NR2E3: variants seen among roughly 807,000 people sequenced by gnomAD.
The protein encoded by NR2E3 is photoreceptor-specific nuclear receptor.
NR2E3 carries 38 observed loss-of-function variants against 37.6 expected under a neutral mutation model. That is an observed-to-expected ratio of 1.01 (90% CI 0.78 to 1.33). The LOEUF (loss-of-function observed/expected upper bound fraction) is 1.33. Ranked by LOEUF, NR2E3 falls within the 40% of genes most tolerant of loss-of-function variation. The pLI, the probability that NR2E3 is intolerant of heterozygous loss-of-function variation, is 0.00. For missense variants in NR2E3, 562 were observed against 558.7 expected, an observed-to-expected ratio of 1.01 and a Z score of -0.06; for synonymous variants, 235 against 225.1, an observed-to-expected ratio of 1.04 and a Z score of -0.39.
At chr15:71,816,083 T>G (rs986961417) in intron 7 of NR2E3, among the ~76,000 whole-genome samples, 1 of 151,900 alleles carries the variant, frequency 6.6e-6, no homozygotes, top group Admixed American at 6.6e-5. Context: ...GGGGAAGTCT[T>G]CCCCGAAATT....
At chr15:71,814,220 T>G (rs2054210320) in intron 7 of NR2E3, 103 bp downstream of exon 7, 1 of 1,483,598 alleles carries the variant, frequency 6.7e-7, no homozygotes, top group Non-Finnish European at 9.0e-7. Context: ...AGCACAAGGG[T>G]CTCAGTTCAA....
intron 1 of NR2E3, 78 bp downstream of exon 1, chr15:71,810,939 TGGAA>T: frequency 7.1e-7 from 1 of 1,402,218 alleles, no homozygotes; most frequent in Non-Finnish European, 9.5e-7. Context: ...GCAGGGACCA[TGGAA>T]GGAGCCAGAA....
At chr15:71,816,283 C>T (rs1174593519) in intron 7 of NR2E3, among the ~76,000 whole-genome samples, 10 of 130,180 alleles carry the variant, frequency 7.7e-5, no homozygotes, top group Admixed American at 1.6e-4. Flanking sequence ...TTTTTTGAGA[C>T]GGAGTCTCTC....
Position 71,811,352 on chromosome 15 carries a change from C to T in NR2E3, c.119-131C>T, listed in dbSNP as rs902860589. 37 of 763,762 alleles carry T rather than the reference C, an allele frequency of 4.8e-5. No homozygotes were observed. The East Asian group carries it at 6.2e-4, about 13-fold the overall frequency. 47.3% of individuals were successfully genotyped at this position (763,762 alleles called of 1,614,324 possible). A position where few individuals can be genotyped will look rare whatever the true frequency, so the allele number is the denominator to read the frequency against. On this transcript the variant is annotated intron_variant, in intron 1 of 7. Coordinates refer to ENST00000617575, the MANE Select transcript of NR2E3 (RefSeq NM_014249.4). This position sits in a 1 kb window ranked among gnomAD's most constrained non-coding sequence, Gnocchi z 5.6. ...GACACTTCTCCAGATGGAAGAGTCA[C>T]GCGTGGGTTCGTTCAAATGCGGGTG...
chr15:71,810,861 G>A lies in NR2E3; in HGVS notation c.118G>A (p.Gly40Ser), dbSNP rs769974850. 9 of 1,553,082 alleles carry A rather than the reference G, an allele frequency of 5.8e-6. No individual in the cohort carries two copies. The highest frequency in any genetic ancestry group is 7.0e-6 in the Non-Finnish European group (8 of 1,148,230). Residue 40 changes from glycine (G) to serine (S), a missense_variant and splice_region_variant, in exon 1 of 8, where the codon GGC (glycine) becomes AGC (serine). Physicochemically the swap from Gly to Ser is moderately conservative, Grantham distance 56. Transcript: ENST00000617575. ...ATGGGGCCTGGGGGAGGATCCCACA[G>A]GTATGGCTTCTCCTGGAGGTAGGGT... ...GRWGLGEDPT[G>S]VSPSLQCRVC... is the part of the protein sequence containing the mutation.
Position 71,814,073 on chromosome 15 carries a change from G to A in NR2E3, c.1056G>A (p.Met352Ile). Residue 352 changes from methionine (M) to isoleucine (I), a missense_variant, in exon 7 of 8, where the codon ATG (methionine) becomes ATA (isoleucine). Met to Ile is a conservative substitution (Grantham distance 10). Coordinates refer to ENST00000617575, the MANE Select transcript of NR2E3 (RefSeq NM_014249.4). Reference protein sequence around the residue: ...VEALQDQSQVMLSQHSKAHHP... With the variant: ...VEALQDQSQVILSQHSKAHHP... Reference sequence around the variant, plus strand: ...CCTTGCAGGACCAGTCCCAAGTGATGCTGAGCCAGCACAGCAAGGCCCACC... The same window carrying A: ...CCTTGCAGGACCAGTCCCAAGTGATACTGAGCCAGCACAGCAAGGCCCACC... The A allele has an allele frequency of 1.2e-6, 2 of 1,612,714 alleles. No homozygotes were observed. Among genetic ancestry groups the A allele is most frequent in the Non-Finnish European group, 1.7e-6 (2 of 1,179,796 alleles).
At chr15:71,817,047 A>G (rs952125852) in intron 7 of NR2E3, among the ~76,000 whole-genome samples, 3 of 151,630 alleles carry the variant, frequency 2.0e-5, no homozygotes, top group Non-Finnish European at 4.4e-5. Flanking sequence ...GCGGCTCACA[A>G]TGGGTCGAGG....
Position 71,813,934 on chromosome 15 carries a change from C to T in NR2E3, c.995-78C>T. The T allele has an allele frequency of 1.3e-6, 2 of 1,553,458 alleles. No homozygotes were observed. Among genetic ancestry groups the T allele is most frequent in the East Asian group, 2.4e-5 (1 of 41,248 alleles). ...CCCAGGTCCATGTCTGCAGCCAGAACCCTGGGCCACCACTTCATGGCCAGC... is the reference window on the plus strand; with the variant it reads ...CCCAGGTCCATGTCTGCAGCCAGAATCCTGGGCCACCACTTCATGGCCAGC... On this transcript the variant is annotated intron_variant, in intron 6 of 7. Coordinates refer to ENST00000617575, the MANE Select transcript of NR2E3 (RefSeq NM_014249.4). The surrounding 1 kb of genome is among the most constrained non-coding windows in gnomAD (Gnocchi z 4.7).
rs747424303 is a variant in NR2E3 at position 71,813,995 on chromosome 15, GTGC to G, written c.995-12_995-10del. The stretch of plus-strand genomic sequence containing the variant: ...CCGTAAACCTGTGCTAAGCTCACTG[GTGC>G]TGCTTCTCCCCAGAGACGCGGGGCC... On this transcript the variant is annotated splice_polypyrimidine_tract_variant and intron_variant, in intron 6 of 7. Coordinates refer to ENST00000617575, the MANE Select transcript of NR2E3 (RefSeq NM_014249.4). The surrounding 1 kb of genome is among the most constrained non-coding windows in gnomAD (Gnocchi z 4.7). The G allele has an allele frequency of 2.5e-6, 4 of 1,606,224 alleles. No individual in the cohort carries two copies. The South Asian group carries it at 4.5e-5, about 18-fold the overall frequency.
chr15:71,811,372 C>A lies in NR2E3; in HGVS notation c.119-111C>A. 2.0e-6 allele frequency: 2 copies of A among 992,806 alleles called. No homozygotes were observed. The highest frequency in any genetic ancestry group is 1.6e-5 in the South Asian group (1 of 63,176). 61.5% of individuals were successfully genotyped at this position (992,806 alleles called of 1,614,324 possible). ...AGTCACGCGTGGGTTCGTTCAAATG[C>A]GGGTGAGCGGGGCCTGAGGACTGGG... On this transcript the variant is annotated intron_variant, in intron 1 of 7. Coordinates refer to ENST00000617575, the MANE Select transcript of NR2E3 (RefSeq NM_014249.4). This position sits in a 1 kb window ranked among gnomAD's most constrained non-coding sequence, Gnocchi z 5.6.
At chr15:71,817,193 G>T (rs760104227) in intron 7 of NR2E3, among the ~76,000 whole-genome samples, 3 of 151,310 alleles carry the variant, frequency 2.0e-5, no homozygotes, top group Non-Finnish European at 4.4e-5. Context: ...CCGCCTCCCG[G>T]GTTCATGCCA....
intron 7 of NR2E3, among the ~76,000 whole-genome samples, chr15:71,815,834 C>T (rs987203439): frequency 3.3e-5 from 5 of 152,088 alleles, no homozygotes; most frequent in African/African-American, 1.2e-4. Flanking sequence ...TGATTGTGAC[C>T]CCCTGAATTT....
chr15:71,812,816 C>T lies in NR2E3; in HGVS notation c.747+305C>T, dbSNP rs139909360. On this transcript the variant is annotated intron_variant, in intron 5 of 7. Coordinates refer to ENST00000617575, the MANE Select transcript of NR2E3 (RefSeq NM_014249.4). ...TTAAGTTCTGGAAGACCCTCAGGCC[C>T]TGCAGACATTCTGTGGGTAACAAGT... is the stretch of plus-strand genomic sequence containing the variant. Among the ~76,000 whole-genome samples the T allele has an allele frequency of 2.0e-5, 3 of 152,256 alleles. No individual in the cohort carries two copies. The East Asian group carries it at 5.8e-4, about 29-fold the overall frequency.
chr15:71,810,641 G>A lies in NR2E3; in HGVS notation c.-103G>A, dbSNP rs1371040795. The A allele has an allele frequency of 4.2e-5, 64 of 1,510,942 alleles. No homozygotes were observed. In the Admixed American group the frequency reaches 1.3e-3, roughly 31 times the overall value. 93.6% of individuals were successfully genotyped at this position (1,510,942 alleles called of 1,614,324 possible). A position where few individuals can be genotyped will look rare whatever the true frequency, so the allele number is the denominator to read the frequency against. Reference sequence around the variant, plus strand: ...AGTTCAGACAGAGTTCAGGAAGGGAGACAGGGGCACAGAGAGACAGAGGTT... The same window carrying A: ...AGTTCAGACAGAGTTCAGGAAGGGAAACAGGGGCACAGAGAGACAGAGGTT... On this transcript the variant is annotated 5_prime_UTR_variant, in exon 1 of 8. Transcript: ENST00000617575.
intron 7 of NR2E3, chr15:71,815,025 C>G (rs2054216522): frequency 2.0e-6 from 1 of 491,538 alleles, no homozygotes. Context: ...ACTGAGCATC[C>G]TGTAGAGATG....
In NR2E3 at chr15:71,812,475, C is replaced by T. The variant is rs1451991349; in HGVS notation, c.711C>T (p.Asn237=). 7.4e-6 allele frequency: 12 copies of T among 1,613,490 alleles called. No individual in the cohort carries two copies. The highest frequency in any genetic ancestry group is 4.5e-5 in the East Asian group (2 of 44,874). The part of the protein sequence containing the change: ...LLFMAVKWAK[N]LPVFSSLPFR... ...TCATGGCCGTCAAGTGGGCCAAGAA[C>T]CTGCCTGTGTTCTCCAGCCTGCCCT... The change falls in exon 5 of 8, where the codon AAC becomes AAT. Residue 237 remains asparagine, a synonymous_variant. Coordinates refer to ENST00000617575, the MANE Select transcript of NR2E3 (RefSeq NM_014249.4).
intron 7 of NR2E3, chr15:71,814,734 C>T (rs773362065): frequency 1.3e-5 from 13 of 985,690 alleles, no homozygotes; most frequent in African/African-American, 5.2e-5. Flanking sequence ...CTGGACCTCA[C>T]GCAGACTGGC....
In NR2E3 at chr15:71,812,401, T is replaced by TC. The variant is rs2054192128; in HGVS notation, c.642dup (p.Cys215LeufsTer8). 6.2e-7 allele frequency: 1 copy of TC among 1,613,414 alleles called. No homozygotes were observed. The highest frequency in any genetic ancestry group is 1.1e-5 in the South Asian group (1 of 91,058). ...CCCCTCCTCTCCATACTCCTCTTCC[T>TC]CCCCCTGCGGCCTGGACAGCATCCA... On this transcript the variant is annotated frameshift_variant, in exon 5 of 8. Coordinates refer to ENST00000617575, the MANE Select transcript of NR2E3 (RefSeq NM_014249.4). LOFTEE classifies it high-confidence loss of function.
intron 7 of NR2E3, among the ~76,000 whole-genome samples, chr15:71,816,891 G>A (rs2054230545): frequency 6.6e-6 from 1 of 152,118 alleles, no homozygotes; most frequent in Admixed American, 6.5e-5. Flanking sequence ...AAGTCAAGGA[G>A]CATACTGAAT....
Sources: allele counts gnomAD v4.1 joint callset (sites outside exome capture counted in the v4.1 genomes callset), GRCh38; gene constraint gnomAD v4.1.1; non-coding constraint Gnocchi (gnomAD v3.1); transcripts MANE v1.5; gene names NCBI Gene and HGNC (gene_info 2026-07-23, HGNC 2026-07-21).